The following STON1 variants were observed in gnomAD, a reference collection of about 807,000 sequenced individuals.
The protein encoded by STON1 is stonin 1.
STON1 carries 79 observed loss-of-function variants against 60.9 expected under a neutral mutation model. That is an observed-to-expected ratio of 1.30 (90% confidence interval 1.08 to 1.56). The LOEUF (loss-of-function observed/expected upper bound fraction) is 1.56, where lower values mean the gene tolerates loss of function less well. STON1 is among the 40% of genes most tolerant of loss of function. The pLI is 0.00. For synonymous variants in STON1, 363 were observed against 306.9 expected (o/e 1.18, Z -1.91); for missense variants, 1,166 against 858.9 (o/e 1.36, Z -4.47).
intron 3 of STON1, 127 bp from the exon 4 acceptor site, chr2:48,595,101 G>C (rs1448684354): frequency 1.4e-6 from 1 of 738,438 alleles, no homozygotes; most frequent in East Asian, 2.8e-5. Flanking sequence ...GGAGGGTAGA[G>C]GGCTGTGTCT....
chr2:48,555,379 C>A (rs1672295928), intron 1 of STON1, among the ~76,000 whole-genome samples: 1 of 58,418 alleles, frequency 1.7e-5, no homozygotes, highest in Non-Finnish European at 3.7e-5. Flanking sequence ...GGGCTCCTCA[C>A]TTCCCAGTAG....
Position 48,581,844 on chromosome 2 carries a change from C to G in STON1, c.1211C>G (p.Ser404Ter). Residue 404 changes from serine to a stop codon, truncating the protein, a stop_gained, in exon 2 of 4, where the codon TCA (serine) becomes TGA (stop). Transcript: ENST00000404752. LOFTEE classifies it high-confidence loss of function. Reference protein sequence around the residue: ...EEELMKLPAVSKPKKNYEEQE... With the variant: ...EEELMKLPAV ...GAGCTGATGAAGTTGCCAGCTGTTT[C>G]AAAACCAAAAAAGAACTACGAGGAG... is the stretch of plus-strand genomic sequence containing the variant. 1 of 1,613,964 alleles carries G rather than the reference C, an allele frequency of 6.2e-7. No homozygotes were observed. Among genetic ancestry groups the G allele is most frequent in the East Asian group, 2.2e-5 (1 of 44,882 alleles).
chr2:48,571,534 G>C (rs1032218584), intron 1 of STON1, among the ~76,000 whole-genome samples: 1 of 152,176 alleles, frequency 6.6e-6, no homozygotes, highest in African/African-American at 2.4e-5. Flanking sequence ...AAATTACATA[G>C]ATGCTGCCCC....
intron 1 of STON1, among the ~76,000 whole-genome samples, chr2:48,573,506 A>C (rs1456497320): frequency 2.0e-5 from 3 of 152,184 alleles, no homozygotes; most frequent in African/African-American, 7.2e-5. Context: ...GAGGCTGTGC[A>C]CACAGCTAGT....
intron 1 of STON1, among the ~76,000 whole-genome samples, chr2:48,543,937 C>G (rs1027447575): frequency 6.6e-6 from 1 of 152,082 alleles, no homozygotes; most frequent in African/African-American, 2.4e-5. Context: ...TCATGAAGTC[C>G]CCAAGTGATT....
chr2:48,563,181 T>C (rs75171459), intron 1 of STON1, among the ~76,000 whole-genome samples: 2,471 of 152,304 alleles, frequency 0.016, 37 homozygotes, highest in South Asian at 0.033. Flanking sequence ...GGAAATCCCC[T>C]GATTTCTCCA....
At position 48,582,407 on chromosome 2, in the gene STON1, T is replaced by C; in HGVS notation, c.1774T>C (p.Ser592Pro). 2 of 1,614,150 alleles carry C rather than the reference T, an allele frequency of 1.2e-6. No homozygotes were observed. Among genetic ancestry groups the C allele is most frequent in the Non-Finnish European group, 1.7e-6 (2 of 1,180,032 alleles). The change falls in exon 2 of 4, where the codon TCT becomes CCT. Residue 592 changes from serine to proline, a missense_variant. Transcript: ENST00000404752. ...LWTMNLQRQK[S>P]LKAKMNRRAC... ...GACCATGAACCTCCAGAGGCAGAAGTCTCTGAAAGCTAAAATGAACCGCCG... is the reference window on the plus strand; with the variant it reads ...GACCATGAACCTCCAGAGGCAGAAGCCTCTGAAAGCTAAAATGAACCGCCG...
At position 48,582,449 on chromosome 2, in the gene STON1, T is replaced by G. The variant is rs1673948007; in HGVS notation, c.1816T>G (p.Leu606Val). Residue 606 changes from leucine to valine, a missense_variant, in exon 2 of 4, where the codon TTA (leucine) becomes GTA (valine). Physicochemically the swap from Leu to Val is conservative, Grantham distance 32 (BLOSUM62 1). Transcript: ENST00000404752. ...GAACCGCCGAGCATGTCTGGGGAGT[T>G]TACAGGAACTTGAATCTGAACCTGT... ...KMNRRACLGS[L>V]QELESEPVIQ... 6.2e-7 allele frequency: 1 copy of G among 1,614,192 alleles called. No individual in the cohort carries two copies. Among genetic ancestry groups the G allele is most frequent in the South Asian group, 1.1e-5 (1 of 91,084 alleles).
At chr2:48,555,308 C>T (rs1387273051) in intron 1 of STON1, among the ~76,000 whole-genome samples, 1 of 63,348 alleles carries the variant, frequency 1.6e-5, no homozygotes, top group Non-Finnish European at 3.4e-5. Context: ...GGCGGCTGGC[C>T]GGGCGGGGGG....
intron 1 of STON1, among the ~76,000 whole-genome samples, chr2:48,536,034 C>T (rs764992984): frequency 3.0e-4 from 45 of 152,120 alleles, no homozygotes; most frequent in Admixed American, 3.3e-4. Flanking sequence ...TTCCAATGAG[C>T]TGAGATCAGG....
intron 1 of STON1, among the ~76,000 whole-genome samples, chr2:48,565,017 G>A (rs1333706443): frequency 2.1e-5 from 3 of 144,398 alleles, no homozygotes; most frequent in Non-Finnish European, 1.5e-5. Context: ...ACAGACGTGA[G>A]CCACTGTCCC....
intron 1 of STON1, among the ~76,000 whole-genome samples, chr2:48,567,318 T>G (rs1053979181): frequency 6.6e-6 from 1 of 152,236 alleles, no homozygotes; most frequent in African/African-American, 2.4e-5. Context: ...TTGATTTTCC[T>G]TAAGGTATTG....
chr2:48,590,047 T>C (rs1674424115), intron 2 of STON1, among the ~76,000 whole-genome samples: 1 of 152,194 alleles, frequency 6.6e-6, no homozygotes. Flanking sequence ...CCTTAACCAC[T>C]TTGCCATAAC....
At chr2:48,565,501 T>C (rs1307231311) in intron 1 of STON1, among the ~76,000 whole-genome samples, 1 of 152,076 alleles carries the variant, frequency 6.6e-6, no homozygotes, top group South Asian at 2.1e-4. Flanking sequence ...ATTAAGCCCA[T>C]AACAAAGGAG....
At chr2:48,560,023 G>C (rs1302580106) in intron 1 of STON1, among the ~76,000 whole-genome samples, 1 of 151,960 alleles carries the variant, frequency 6.6e-6, no homozygotes, top group African/African-American at 2.4e-5. Context: ...ATCCTTTCTG[G>C]GCCATTTAGT....
chr2:48,538,698 A>T (rs1671528036), intron 1 of STON1, among the ~76,000 whole-genome samples: 2 of 150,880 alleles, frequency 1.3e-5, no homozygotes, highest in Non-Finnish European at 2.9e-5. Context: ...CCAGGGTTCA[A>T]ACAATTCTGT....
At chr2:48,574,686 G>C (rs1173796019) in intron 1 of STON1, among the ~76,000 whole-genome samples, 1 of 152,182 alleles carries the variant, frequency 6.6e-6, no homozygotes, top group Non-Finnish European at 1.5e-5. Context: ...TGCTTCTAAA[G>C]TGTAAACCTC....
chr2:48,582,761 A>C (rs775052369), intron 2 of STON1, among the ~76,000 whole-genome samples, 198 bp downstream of exon 2: 13 of 152,218 alleles, frequency 8.5e-5, no homozygotes, highest in Non-Finnish European at 1.5e-4. Flanking sequence ...GATAAGTTTA[A>C]CTGTTGAACA....
chr2:48,541,982 T>C (rs1558572159), intron 1 of STON1, among the ~76,000 whole-genome samples: 1 of 152,198 alleles, frequency 6.6e-6, no homozygotes. Context: ...TTCTCTATAG[T>C]AGATCAAAAC....
Sources: gnomAD v4.1 joint callset for allele counts (sites outside exome capture counted in the v4.1 genomes callset) on GRCh38, gnomAD v4.1.1 for gene constraint, MANE v1.5 for transcripts, NCBI Gene and HGNC (gene_info 2026-07-23, HGNC 2026-07-21) for gene names.